The following SLITRK4 variants were observed in gnomAD, a reference collection of about 807,000 sequenced individuals.
SLITRK4 encodes SLIT and NTRK like family member 4, also known as SLIT and NTRK-like protein 4.
Under a neutral mutation model 34.7 loss-of-function variants are expected in SLITRK4, and 7 were observed. The observed-to-expected ratio is 0.20, with a 90% confidence interval of 0.11 to 0.38. The LOEUF (loss-of-function observed/expected upper bound fraction) is 0.38, where lower values mean the gene tolerates loss of function less well. Among genes scored for constraint, SLITRK4 ranks in the 10% least tolerant of loss-of-function variants. SLITRK4 has a pLI of 1.00. For synonymous variants in SLITRK4, 237 were observed against 246.2 expected, an observed-to-expected ratio of 0.96 and a Z score of 0.35; for missense variants, 474 against 607.0, an observed-to-expected ratio of 0.78 and a Z score of 2.30.
intron 1 of SLITRK4, among the ~76,000 whole-genome samples, chrX:143,632,440 T>C (rs1387603609): frequency 8.9e-6 from 1 of 112,212 alleles, no homozygotes; most frequent in Non-Finnish European, 1.9e-5. Flanking sequence ...ATTTTATTGA[T>C]ACTATTTTAG....
Position 143,627,397 on chromosome X carries a change from C to A in SLITRK4, c.*1198G>T, listed in dbSNP as rs1348011333. ...AAACTAAGGAACTTATTTTTGAATGCACAATTGGTAACAAATCTGAAGATA... is the reference window on the plus strand; with the variant it reads ...AAACTAAGGAACTTATTTTTGAATGAACAATTGGTAACAAATCTGAAGATA... On this transcript the variant is annotated 3_prime_UTR_variant, in exon 2 of 2. Transcript: ENST00000356928. 2 of 111,196 alleles carry A rather than the reference C, an allele frequency of 1.8e-5. No individual in the cohort carries two copies. The highest frequency in any genetic ancestry group is 6.5e-5 in the African/African-American group (2 of 30,637). The allele number at this position is 111,196 out of a possible 1,213,427, so 9.2% of individuals were successfully genotyped here.
Position 143,625,168 on chromosome X carries a change from T to TG in SLITRK4, c.*3426_*3427insC, listed in dbSNP as rs1930745025. ...ATGCCCTGTATAATTTATGCATCCT[T>TG]ATGGCTTAAAGAAAAGTAAATGTTT... On this transcript the variant is annotated 3_prime_UTR_variant, in exon 2 of 2. Transcript: ENST00000356928. 2 of 111,208 alleles carry TG rather than the reference T, an allele frequency of 1.8e-5. No homozygotes were observed. The highest frequency in any genetic ancestry group is 3.8e-5 in the Non-Finnish European group (2 of 52,754). The allele number at this position is 111,208 out of a possible 1,213,427, so 9.2% of individuals were successfully genotyped here. A position where few individuals can be genotyped will look rare whatever the true frequency, so the allele number is the denominator to read the frequency against.
chrX:143,623,459 A>T lies in SLITRK4; in HGVS notation c.*5136T>A, dbSNP rs782657673. On this transcript the variant is annotated 3_prime_UTR_variant, in exon 2 of 2. Coordinates refer to ENST00000356928, the MANE Select transcript of SLITRK4 (RefSeq NM_001184749.3). ...CAGGTTAAAATAATTTTTAAAAATT[A>T]AAAAAAACCATCATTTCCTATAAGA... 6 of 107,379 alleles carry T rather than the reference A, an allele frequency of 5.6e-5. No homozygotes were observed. The South Asian group carries it at 2.0e-3, about 35-fold the overall frequency. 8.8% of individuals were successfully genotyped at this position (107,379 alleles called of 1,213,427 possible). A position where few individuals can be genotyped will look rare whatever the true frequency, so the allele number is the denominator to read the frequency against.
Position 143,627,314 on chromosome X carries a change from AT to A in SLITRK4, c.*1280del, listed in dbSNP as rs1424089580. 1 of 110,431 alleles carries A rather than the reference AT, an allele frequency of 9.1e-6. No homozygotes were observed. The highest frequency in any genetic ancestry group is 1.9e-5 in the Non-Finnish European group (1 of 52,765). The allele number at this position is 110,431 out of a possible 1,213,427, so 9.1% of individuals were successfully genotyped here. ...AAACTATTTGAATTAAGCTCATAGA[AT>A]CCTGAAAAGCAAGACAACCGATGGC... On this transcript the variant is annotated 3_prime_UTR_variant, in exon 2 of 2. Transcript: ENST00000356928.
In SLITRK4 at chrX:143,624,167, C is replaced by G. The variant is rs1050381183; in HGVS notation, c.*4428G>C. ...TCAATATAGTCAGTTACATTCATTT[C>G]TGCCCTCAAGTTAACCGTAATGCAA... On this transcript the variant is annotated 3_prime_UTR_variant, in exon 2 of 2. Transcript: ENST00000356928. 2 of 111,541 alleles carry G rather than the reference C, an allele frequency of 1.8e-5. No individual in the cohort carries two copies. Among genetic ancestry groups the G allele is most frequent in the African/African-American group, 6.5e-5 (2 of 30,769 alleles). 9.2% of individuals were successfully genotyped at this position (111,541 alleles called of 1,213,427 possible).
Position 143,623,500 on chromosome X carries a change from C to T in SLITRK4, c.*5095G>A, listed in dbSNP as rs781803677. The T allele has an allele frequency of 9.1e-6, 1 of 109,672 alleles. No homozygotes were observed. The highest frequency in any genetic ancestry group is 1.9e-5 in the Non-Finnish European group (1 of 52,446). 9.0% of individuals were successfully genotyped at this position (109,672 alleles called of 1,213,427 possible). A position where few individuals can be genotyped will look rare whatever the true frequency, so the allele number is the denominator to read the frequency against. On this transcript the variant is annotated 3_prime_UTR_variant, in exon 2 of 2. Coordinates refer to ENST00000356928, the MANE Select transcript of SLITRK4 (RefSeq NM_001184749.3). ...TCCTATAAGATAAACAACACAATTT[C>T]CCTTCCTCGATTTTCCCTTTTAAAA...
chrX:143,629,983 G>A lies in SLITRK4; in HGVS notation c.1126C>T (p.Pro376Ser). 8.3e-7 allele frequency: 1 copy of A among 1,211,812 alleles called. No homozygotes were observed. The highest frequency in any genetic ancestry group is 1.1e-6 in the Non-Finnish European group (1 of 895,595). The change falls in exon 2 of 2, where the codon CCT becomes TCT. Residue 376 changes from proline (P) to serine (S), a missense_variant. Physicochemically the swap from Pro to Ser is moderately conservative, Grantham distance 74. This residue lies in a region of SLITRK4 where 345 missense variants were observed against 406.5 expected (regional missense o/e 0.85). Coordinates refer to ENST00000356928, the MANE Select transcript of SLITRK4 (RefSeq NM_001184749.3). ...IQSMSELIPKPLNAKKLHVNG... is the reference protein window; with the variant it reads ...IQSMSELIPKSLNAKKLHVNG... Reference sequence around the variant, plus strand: ...ACGTGCAGCTTCTTCGCATTTAAAGGTTTCGGTATCAGTTCAGACATAGAC... The same window carrying A: ...ACGTGCAGCTTCTTCGCATTTAAAGATTTCGGTATCAGTTCAGACATAGAC...
Position 143,633,004 on chromosome X carries a change from G to GA in SLITRK4, c.-50-1847dup, listed in dbSNP as rs199626324. Reference sequence around the variant, plus strand: ...GCAACCAAACTAAAAACCAAACGCAGAAAAAAAAAAATCCTTATAATCCGA... The same window carrying GA: ...GCAACCAAACTAAAAACCAAACGCAGAAAAAAAAAAAATCCTTATAATCCGA... On this transcript the variant is annotated intron_variant, in intron 1 of 1. Coordinates refer to ENST00000356928, the MANE Select transcript of SLITRK4 (RefSeq NM_001184749.3). Among the ~76,000 whole-genome samples, 658 of 100,512 alleles carry GA rather than the reference G, an allele frequency of 6.5e-3. 4 individuals carry two copies. The highest frequency in any genetic ancestry group is 8.2e-3 in the Non-Finnish European group (403 of 49,266). 87.3% of individuals were successfully genotyped at this position (100,512 alleles called of 115,157 possible).
At chrX:143,633,458 A>C (rs1931114702) in intron 1 of SLITRK4, among the ~76,000 whole-genome samples, 1 of 110,994 alleles carries the variant, frequency 9.0e-6, no homozygotes, top group African/African-American at 3.3e-5. Context: ...ACAAAGTACC[A>C]GCTGGGTACC....
At chrX:143,631,944 C>T in intron 1 of SLITRK4, among the ~76,000 whole-genome samples, 1 of 112,024 alleles carries the variant, frequency 8.9e-6, no homozygotes, top group South Asian at 3.7e-4. Flanking sequence ...TGTCTTGGAG[C>T]CTCTGAAAGC....
intron 1 of SLITRK4, among the ~76,000 whole-genome samples, chrX:143,633,990 C>T (rs1282273341): frequency 8.9e-6 from 1 of 112,680 alleles, no homozygotes; most frequent in Admixed American, 9.3e-5. Context: ...TCACACATTT[C>T]TCCGCGCGCT....
Position 143,630,391 on chromosome X carries a change from C to T in SLITRK4, c.718G>A (p.Ala240Thr), listed in dbSNP as rs1321928717. Residue 240 changes from alanine (A) to threonine (T), a missense_variant, in exon 2 of 2, where the codon GCT (alanine) becomes ACT (threonine). Coordinates refer to ENST00000356928, the MANE Select transcript of SLITRK4 (RefSeq NM_001184749.3). The stretch of plus-strand genomic sequence containing the variant: ...AAGTCACTGGGAGTTTCACAGATAG[C>T]TTCTCCTATGTAAATGTTATATGGC... ...NMPYNIYIGE[A>T]ICETPSDLYG... The T allele has an allele frequency of 1.7e-6, 2 of 1,211,265 alleles. No individual in the cohort carries two copies. The highest frequency in any genetic ancestry group is 2.2e-6 in the Non-Finnish European group (2 of 895,414).
chrX:143,623,467 C>A lies in SLITRK4; in HGVS notation c.*5128G>T, dbSNP rs187868862. 6 of 109,952 alleles carry A rather than the reference C, an allele frequency of 5.5e-5. No individual in the cohort carries two copies. Among genetic ancestry groups the A allele is most frequent in the East Asian group, 5.7e-4 (2 of 3,513 alleles). The allele number at this position is 109,952 out of a possible 1,213,427, so 9.1% of individuals were successfully genotyped here. Reference sequence around the variant, plus strand: ...AATAATTTTTAAAAATTAAAAAAAACCATCATTTCCTATAAGATAAACAAC... The same window carrying A: ...AATAATTTTTAAAAATTAAAAAAAAACATCATTTCCTATAAGATAAACAAC... On this transcript the variant is annotated 3_prime_UTR_variant, in exon 2 of 2. Coordinates refer to ENST00000356928, the MANE Select transcript of SLITRK4 (RefSeq NM_001184749.3).
intron 1 of SLITRK4, 27 bp from the exon 2 acceptor site, chrX:143,631,185 T>C (rs1254382858): frequency 1.2e-6 from 1 of 835,303 alleles, no homozygotes; most frequent in Non-Finnish European, 1.6e-6. Context: ...AAACATTTTT[T>C]CAATGGTCAT....
In SLITRK4 at chrX:143,635,481, A is replaced by AC. The variant is rs1931207738; in HGVS notation, c.-51+253_-51+254insG. On this transcript the variant is annotated intron_variant, in intron 1 of 1. Transcript: ENST00000356928. Reference sequence around the variant, plus strand: ...TCTTCCAGTCCCCTAATAACGAAGGAACACACACACACACACACACACACA... The same window carrying AC: ...TCTTCCAGTCCCCTAATAACGAAGGACACACACACACACACACACACACACA... 5.4e-5 allele frequency among the ~76,000 whole-genome samples: 3 copies of AC among 55,251 alleles called. No individual in the cohort carries two copies. The South Asian group carries it at 4.1e-3, about 76-fold the overall frequency. 48.0% of individuals were successfully genotyped at this position (55,251 alleles called of 115,157 possible).
Position 143,632,777 on chromosome X carries a change from G to C in SLITRK4, c.-50-1619C>G, listed in dbSNP as rs782795078. Among the ~76,000 whole-genome samples the C allele has an allele frequency of 6.3e-5, 7 of 111,909 alleles. No homozygotes were observed. The South Asian group carries it at 1.5e-3, about 24-fold the overall frequency. ...CGTGCATTTCCCCTATTCACCATGA[G>C]AGCATGATTGGCATTGCAAAAAGAA... is the stretch of plus-strand genomic sequence containing the variant. On this transcript the variant is annotated intron_variant, in intron 1 of 1. Transcript: ENST00000356928.
intron 1 of SLITRK4, among the ~76,000 whole-genome samples, chrX:143,635,481 A>AACACACACACACACACACAC (rs782006427): frequency 7.2e-5 from 4 of 55,251 alleles, no homozygotes; most frequent in Middle Eastern, 0.011. Context: ...ATAACGAAGG[A>AACACACACACACACACACAC]ACACACACAC....
At position 143,623,090 on chromosome X, in the gene SLITRK4, T is replaced by C. The variant is rs1930683250; in HGVS notation, c.*5505A>G. The C allele has an allele frequency of 9.0e-6, 1 of 111,193 alleles. No homozygotes were observed. Among genetic ancestry groups the C allele is most frequent in the African/African-American group, 3.3e-5 (1 of 30,641 alleles). The allele number at this position is 111,193 out of a possible 1,213,427, so 9.2% of individuals were successfully genotyped here. ...ACTTGAAAAGACTATTTCCTTCCTA[T>C]AGCTAATTTAAAGGCACTGCTCTAT... On this transcript the variant is annotated 3_prime_UTR_variant, in exon 2 of 2. Coordinates refer to ENST00000356928, the MANE Select transcript of SLITRK4 (RefSeq NM_001184749.3).
Position 143,632,921 on chromosome X carries a change from A to G in SLITRK4, c.-50-1763T>C, listed in dbSNP as rs1376794358. On this transcript the variant is annotated intron_variant, in intron 1 of 1. Coordinates refer to ENST00000356928, the MANE Select transcript of SLITRK4 (RefSeq NM_001184749.3). ...TTCAACAGCTATTTTGGTTCAGTTGAGTCATTTCTTGTTACTAAACCACCA... is the reference window on the plus strand; with the variant it reads ...TTCAACAGCTATTTTGGTTCAGTTGGGTCATTTCTTGTTACTAAACCACCA... Among the ~76,000 whole-genome samples the G allele has an allele frequency of 2.7e-5, 3 of 111,024 alleles. No individual in the cohort carries two copies. The Admixed American group carries it at 2.9e-4, about 11-fold the overall frequency.
Sources: gnomAD v4.1 joint callset for allele counts (sites outside exome capture counted in the v4.1 genomes callset) on GRCh38, gnomAD v4.1.1 for gene constraint, gnomAD v4.1.1 regional missense constraint, MANE v1.5 for transcripts, NCBI Gene and HGNC (gene_info 2026-07-23, HGNC 2026-07-21) for gene names.